DAAM1: variants seen among roughly 807,000 people sequenced by gnomAD.
DAAM1 encodes the protein dishevelled associated activator of morphogenesis 1.
DAAM1 carries 52 observed loss-of-function variants against 130.0 expected under a neutral mutation model. The ratio of observed to expected loss-of-function variants is 0.40; its 90% CI spans 0.32 to 0.50. The LOEUF (loss-of-function observed/expected upper bound fraction) is 0.50, where lower values mean the gene tolerates loss of function less well. Ranked by LOEUF, DAAM1 falls within the 20% of genes least tolerant of loss-of-function variation. The pLI is 0.61. For missense variants in DAAM1, 1,134 were observed against 1,303.8 expected (o/e 0.87, Z 2.01); for synonymous variants, 452 against 444.5 (o/e 1.02, Z -0.21).
chr14:59,302,055 G>A (rs1184514934), intron 3 of DAAM1, among the ~76,000 whole-genome samples: 1 of 152,170 alleles, frequency 6.6e-6, no homozygotes. Context: ...GAGCATTTTG[G>A]ATTTTAGATT....
intron 17 of DAAM1, among the ~76,000 whole-genome samples, chr14:59,351,577 A>T (rs1488633727): frequency 1.3e-5 from 2 of 152,056 alleles, no homozygotes; most frequent in Admixed American, 6.6e-5. Context: ...TTCCAGCCTC[A>T]CACAACACCT....
intron 21 of DAAM1, among the ~76,000 whole-genome samples, chr14:59,359,766 C>A (rs1023254707): frequency 6.6e-6 from 1 of 152,208 alleles, no homozygotes; most frequent in Non-Finnish European, 1.5e-5. Flanking sequence ...CAGGTAGGAG[C>A]ACCTTAGTTA....
Position 59,246,920 on chromosome 14 carries a change from G to A in DAAM1, c.-37-16521G>A, listed in dbSNP as rs144871017. ...GGAGTTATTTGGTTTTTTGTTGTTG[G>A]ATTGTAGGGGTTCTGGATATTAATT... On this transcript the variant is annotated intron_variant, in intron 1 of 24. Transcript: ENST00000360909. 5.4e-4 allele frequency among the ~76,000 whole-genome samples: 82 copies of A among 152,128 alleles called. 1 individual carries two copies. In the East Asian group the frequency reaches 0.011, roughly 20 times the overall value.
At chr14:59,283,048 T>G (rs1883292192) in intron 2 of DAAM1, among the ~76,000 whole-genome samples, 1 of 152,174 alleles carries the variant, frequency 6.6e-6, no homozygotes, top group Non-Finnish European at 1.5e-5. Flanking sequence ...TATCTACCTG[T>G]GACAGCAAAA....
chr14:59,284,258 A>C (rs181227080), intron 2 of DAAM1, among the ~76,000 whole-genome samples: 1 of 152,130 alleles, frequency 6.6e-6, no homozygotes, highest in African/African-American at 2.4e-5. Flanking sequence ...ATGAAAGGGA[A>C]AATCAAAGGG....
At chr14:59,203,806 C>G (rs1248794408) in intron 1 of DAAM1, among the ~76,000 whole-genome samples, 2 of 152,108 alleles carry the variant, frequency 1.3e-5, no homozygotes, top group African/African-American at 4.8e-5. Flanking sequence ...TCAGTGTGTT[C>G]ATTTGATTAT....
chr14:59,286,643 C>G (rs369799931), intron 2 of DAAM1, among the ~76,000 whole-genome samples: 1 of 152,094 alleles, frequency 6.6e-6, no homozygotes, highest in South Asian at 2.1e-4. Flanking sequence ...TCCTTAGAGA[C>G]TGTTACGAAC....
intron 1 of DAAM1, among the ~76,000 whole-genome samples, chr14:59,222,115 A>T (rs1888790371): frequency 6.6e-6 from 1 of 152,214 alleles, no homozygotes; most frequent in Admixed American, 6.5e-5. Flanking sequence ...GTTCCATTGT[A>T]CAATCAAATC....
chr14:59,292,610 T>C (rs911002297), intron 3 of DAAM1, among the ~76,000 whole-genome samples: 1 of 152,232 alleles, frequency 6.6e-6, no homozygotes, highest in Non-Finnish European at 1.5e-5. Flanking sequence ...TGCATTGTCA[T>C]TAGTGTTACA....
intron 1 of DAAM1, among the ~76,000 whole-genome samples, chr14:59,198,837 G>A (rs1191744373): frequency 8.5e-5 from 13 of 152,164 alleles, no homozygotes; most frequent in African/African-American, 2.7e-4. Context: ...TTGATTTTAG[G>A]TTCAGTTTGG....
chr14:59,297,886 G>A (rs1422087507), intron 3 of DAAM1, among the ~76,000 whole-genome samples: 1 of 152,106 alleles, frequency 6.6e-6, no homozygotes, highest in African/African-American at 2.4e-5. Context: ...GCATCTACTG[G>A]GGGTCTTAGA....
At chr14:59,281,792 T>C (rs1259832885) in intron 2 of DAAM1, among the ~76,000 whole-genome samples, 1 of 152,158 alleles carries the variant, frequency 6.6e-6, no homozygotes, top group African/African-American at 2.4e-5. Flanking sequence ...CTTGTAAGGC[T>C]GTGATAGTTT....
chr14:59,274,650 A>G (rs1363265884), intron 2 of DAAM1, among the ~76,000 whole-genome samples: 1 of 152,230 alleles, frequency 6.6e-6, no homozygotes, highest in East Asian at 1.9e-4. Context: ...GAGATGCACA[A>G]TAAGTATTTG....
chr14:59,352,577 A>G lies in DAAM1; in HGVS notation c.2212A>G (p.Lys738Glu). 1 of 1,613,696 alleles carries G rather than the reference A, an allele frequency of 6.2e-7. No individual in the cohort carries two copies. Among genetic ancestry groups the G allele is most frequent in the Non-Finnish European group, 8.5e-7 (1 of 1,179,854 alleles). The stretch of plus-strand genomic sequence containing the variant: ...TGACATTGACCTATTGGAGGAACAT[A>G]AACACGAACTGGATCGGATGGCCAA... ...KSDIDLLEEH[K>E]HELDRMAKAD... The change falls in exon 18 of 25, where the codon AAA becomes GAA. Residue 738 changes from lysine to glutamate, a missense_variant. Lys to Glu is a moderately conservative substitution (Grantham distance 56). Coordinates refer to ENST00000360909, the MANE Select transcript of DAAM1 (RefSeq NM_001270520.2).
rs370804051 is a variant in DAAM1, at chr14:59,363,640, C to T, written c.2695-11C>T. 5.0e-6 allele frequency: 8 copies of T among 1,613,770 alleles called. No individual in the cohort carries two copies. ...AGCCTGCATTGACATTATTCATTTC[C>T]TGTGTTTAAGGAGCTGGAATATCAG... On this transcript the variant is annotated splice_polypyrimidine_tract_variant and intron_variant, in intron 22 of 24. Coordinates refer to ENST00000360909, the MANE Select transcript of DAAM1 (RefSeq NM_001270520.2).
intron 1 of DAAM1, among the ~76,000 whole-genome samples, chr14:59,232,154 A>G (rs1324911927): frequency 1.3e-5 from 2 of 152,148 alleles, no homozygotes; most frequent in East Asian, 1.9e-4. Flanking sequence ...TTGTTTTTCT[A>G]TAGCCTATTC....
intron 1 of DAAM1, among the ~76,000 whole-genome samples, chr14:59,229,388 A>G (rs1200474503): frequency 1.3e-5 from 2 of 152,212 alleles, no homozygotes; most frequent in Non-Finnish European, 2.9e-5. Context: ...GTAGCATTGC[A>G]TGTCAGGTAT....
At chr14:59,204,508 G>T (rs1457660897) in intron 1 of DAAM1, among the ~76,000 whole-genome samples, 1 of 152,148 alleles carries the variant, frequency 6.6e-6, no homozygotes, top group Non-Finnish European at 1.5e-5. Context: ...CCCTGATTAG[G>T]CCAAGCCCAC....
intron 2 of DAAM1, among the ~76,000 whole-genome samples, chr14:59,286,068 C>G (rs1340871942): frequency 6.6e-6 from 1 of 152,082 alleles, no homozygotes; most frequent in African/African-American, 2.4e-5. Context: ...TCATACCAAT[C>G]ACACTCTTTG....
Sources: gnomAD v4.1 joint callset for allele counts (sites outside exome capture counted in the v4.1 genomes callset) on GRCh38, gnomAD v4.1.1 for gene constraint, MANE v1.5 for transcripts, NCBI Gene and HGNC (gene_info 2026-07-23, HGNC 2026-07-21) for gene names.